The following BRCA1 variants were observed in gnomAD, a reference collection of about 807,000 sequenced individuals.
BRCA1 encodes BRCA1 DNA repair associated.
BRCA1 carries 140 observed loss-of-function variants against 173.7 expected under a neutral mutation model. That is an observed-to-expected ratio of 0.81 (90% CI 0.70 to 0.93). BRCA1 has a LOEUF of 0.93. BRCA1 is among the 40% of genes least tolerant of loss of function. BRCA1 has a pLI of 0.00. For missense variants in BRCA1, 1,983 were observed against 2,172.5 expected, an observed-to-expected ratio of 0.91 and a Z score of 1.73; for synonymous variants, 662 against 756.0, an observed-to-expected ratio of 0.88 and a Z score of 2.04.
intron 22 of BRCA1, among the ~76,000 whole-genome samples, chr17:43,046,559 G>A (rs939538355): frequency 1.1e-4 from 16 of 151,848 alleles, no homozygotes; most frequent in African/African-American, 3.9e-4. Context: ...CACCATGCCT[G>A]GCTAATTTTT....
In BRCA1 at chr17:43,091,874, C is replaced by A. The variant is rs80356876; in HGVS notation, c.3657G>T (p.Glu1219Asp). The change falls in exon 10 of 23, where the codon GAG becomes GAT. Residue 1219 changes from glutamate to aspartate, a missense_variant. By Grantham distance (45) the Glu-to-Asp change is conservative. Coordinates refer to ENST00000357654, the MANE Select transcript of BRCA1 (RefSeq NM_007294.4). Reference sequence around the variant, plus strand: ...GTTGGAAGCAGGGAAGCTCTTCATCCTCACTAGATAAGTTCTCTTCTGAGG... The same window carrying A: ...GTTGGAAGCAGGGAAGCTCTTCATCATCACTAGATAAGTTCTCTTCTGAGG... Reference protein sequence around the residue: ...LESSEENLSSEDEELPCFQHL... With the variant: ...LESSEENLSSDDEELPCFQHL... 1 of 1,614,142 alleles carries A rather than the reference C, an allele frequency of 6.2e-7. No individual in the cohort carries two copies. The highest frequency in any genetic ancestry group is 1.1e-5 in the South Asian group (1 of 91,072).
chr17:43,142,935 T>G (rs2056085991), intron 1 of BRCA1, among the ~76,000 whole-genome samples: 2 of 146,986 alleles, frequency 1.4e-5, no homozygotes, highest in African/African-American at 5.2e-5. Context: ...TGTGTGTGTG[T>G]GTGTGTATAT....
intron 6 of BRCA1, 39 bp downstream of exon 6, chr17:43,104,083 A>AAAGAAG (rs147856441): frequency 5.1e-5 from 57 of 1,124,664 alleles, no homozygotes; most frequent in Admixed American, 1.5e-4. Context: ...AAAAAAAAGA[A>AAAGAAG]AAGAAGAAGA....
Position 43,045,705 on chromosome 17 carries a change from T to A in BRCA1, c.5565A>T (p.Ile1855=), listed in dbSNP as rs758449088. The change falls in exon 23 of 23, where the codon ATA becomes ATT. Residue 1855 remains isoleucine (I), a synonymous_variant. Transcript: ENST00000357654. Reference sequence around the variant, plus strand: ...AGTAGTGGCTGTGGGGGATCTGGGGTATCAGGTAGGTGTCCAGCTCCTGGC... The same window carrying A: ...AGTAGTGGCTGTGGGGGATCTGGGGAATCAGGTAGGTGTCCAGCTCCTGGC... ...YQCQELDTYL[I]PQIPHSHY is the part of the protein sequence containing the mutation. The A allele has an allele frequency of 6.2e-7, 1 of 1,613,442 alleles. No homozygotes were observed. Among genetic ancestry groups the A allele is most frequent in the South Asian group, 1.1e-5 (1 of 91,002 alleles).
intron 1 of BRCA1, chr17:43,162,011 T>C (rs1384749682): frequency 6.6e-6 from 1 of 152,156 alleles, no homozygotes; most frequent in African/African-American, 2.4e-5. Context: ...AACCAAGATA[T>C]TTACTCGGGG....
rs1555582692 is a variant in BRCA1, at chr17:43,076,590, C to T, written c.4382G>A (p.Ser1461Asn). Residue 1461 changes from serine (S) to asparagine (N), a missense_variant, in exon 13 of 23, where the codon AGT (serine) becomes AAT (asparagine). Transcript: ENST00000357654. The part of the protein sequence containing the change: ...EKAVLTSQKS[S>N]EYPISQNPEG... ...TGGATTCTGGCTTATAGGGTATTCACTACTTTTCTGTGAAGTTAATACTGC... is the reference window on the plus strand; with the variant it reads ...TGGATTCTGGCTTATAGGGTATTCATTACTTTTCTGTGAAGTTAATACTGC... 6.2e-7 allele frequency: 1 copy of T among 1,613,652 alleles called. No individual in the cohort carries two copies. The highest frequency in any genetic ancestry group is 1.1e-5 in the South Asian group (1 of 91,070).
chr17:43,106,846 T>C (rs1392882935), intron 3 of BRCA1, among the ~76,000 whole-genome samples: 1 of 152,224 alleles, frequency 6.6e-6, no homozygotes, highest in African/African-American at 2.4e-5. Context: ...TATTTCATGC[T>C]GCATAATCAA....
intron 8 of BRCA1, 133 bp downstream of exon 8, chr17:43,097,111 T>A (rs1256547688): frequency 1.1e-6 from 1 of 909,558 alleles, no homozygotes; most frequent in East Asian, 2.6e-5. Context: ...TTTACCTATA[T>A]AACAAACTGC....
chr17:43,048,983 G>T, intron 21 of BRCA1, 138 bp downstream of exon 21: 1 of 786,820 alleles, frequency 1.3e-6, no homozygotes. Flanking sequence ...TACAGATGGA[G>T]TCTTTTGGCA....
chr17:43,046,903 G>A (rs2050940338), intron 22 of BRCA1, among the ~76,000 whole-genome samples: 1 of 152,048 alleles, frequency 6.6e-6, no homozygotes, highest in African/African-American at 2.4e-5. Context: ...AAGCCACCAG[G>A]AAAACAGCAC....
Position 43,078,088 on chromosome 17 carries a change from CT to C in BRCA1, c.4358-1475del, listed in dbSNP as rs35184764. On this transcript the variant is annotated intron_variant, in intron 12 of 22. Coordinates refer to ENST00000357654, the MANE Select transcript of BRCA1 (RefSeq NM_007294.4). ...CTGTGTTGACCAGGCTGGTTTCAAA[CT>C]TTTTTTTTTTTTTGAGACAGAGTCT... Among the ~76,000 whole-genome samples the C allele has an allele frequency of 0.49, 70,921 of 144,206 alleles. 19,876 individuals carry two copies. The highest frequency in any genetic ancestry group is 0.81 in the African/African-American group (31,811 of 39,448). 94.6% of individuals were successfully genotyped at this position (144,206 alleles called of 152,430 possible). A position where few individuals can be genotyped will look rare whatever the true frequency, so the allele number is the denominator to read the frequency against.
chr17:43,072,002 C>T lies in BRCA1; in HGVS notation c.4676-764G>A, dbSNP rs560191335. 4.0e-4 allele frequency among the ~76,000 whole-genome samples: 60 copies of T among 150,626 alleles called. 1 individual carries two copies. Among genetic ancestry groups the T allele is most frequent in the African/African-American group, 1.4e-3 (57 of 40,910 alleles). On this transcript the variant is annotated intron_variant, in intron 14 of 22. Transcript: ENST00000357654. ...CAGCCTGGGCAACAGAGCGAGACTC[C>T]GTCTCAAAAAAATAAATAAATAAAA... is the stretch of plus-strand genomic sequence containing the variant.
chr17:43,060,335 C>A lies in BRCA1; in HGVS notation c.5193+2998G>T, dbSNP rs572954469. Among the ~76,000 whole-genome samples, 3 of 152,066 alleles carry A rather than the reference C, an allele frequency of 2.0e-5. No individual in the cohort carries two copies. The East Asian group carries it at 5.8e-4, about 29-fold the overall frequency. ...GGGATTACAGGAATGAGCCACCACA[C>A]CCAGCCGTGCCCAGCTAATTTTTGC... On this transcript the variant is annotated intron_variant, in intron 18 of 22. Transcript: ENST00000357654.
chr17:43,093,993 T>C lies in BRCA1; in HGVS notation c.1538A>G (p.His513Arg), dbSNP rs1356078500. 1.2e-6 allele frequency: 2 copies of C among 1,613,964 alleles called. No homozygotes were observed. The highest frequency in any genetic ancestry group is 1.1e-5 in the South Asian group (1 of 91,034). ...TGCTTTCTTGATAAAATCCTCAGGATGAAGGCCTGATGTAGGTCTCCTTTT... is the reference window on the plus strand; with the variant it reads ...TGCTTTCTTGATAAAATCCTCAGGACGAAGGCCTGATGTAGGTCTCCTTTT... ...KRKRRPTSGLHPEDFIKKADL... is the reference protein window; with the variant it reads ...KRKRRPTSGLRPEDFIKKADL... Residue 513 changes from histidine to arginine, a missense_variant, in exon 10 of 23, where the codon CAT (histidine) becomes CGT (arginine). Coordinates refer to ENST00000357654, the MANE Select transcript of BRCA1 (RefSeq NM_007294.4).
upstream of BRCA1, among the ~76,000 whole-genome samples, chr17:43,127,219 A>G (rs577085520): frequency 6.6e-6 from 1 of 152,344 alleles, no homozygotes; most frequent in Admixed American, 6.5e-5. Context: ...CGCCCGGCAC[A>G]GCCCTGCGCA....
At position 43,094,517 on chromosome 17, in the gene BRCA1, T is replaced by A. The variant is rs876660793; in HGVS notation, c.1014A>T (p.Lys338Asn). 6.2e-7 allele frequency: 1 copy of A among 1,614,088 alleles called. No individual in the cohort carries two copies. Among genetic ancestry groups the A allele is most frequent in the Non-Finnish European group, 8.5e-7 (1 of 1,180,022 alleles). Residue 338 changes from lysine to asparagine, a missense_variant, in exon 10 of 23, where the codon AAA (lysine) becomes AAT (asparagine). Physicochemically the swap from Lys to Asn is moderately conservative, Grantham distance 94 (BLOSUM62 0). Transcript: ENST00000357654. The part of the protein sequence containing the change: ...CNDRRTPSTE[K>N]KVDLNADPLC... ...GGGGATCAGCATTCAGATCTACCTT[T>A]TTTTCTGTGCTGGGAGTCCGCCTAT...
At position 43,093,974 on chromosome 17, in the gene BRCA1, CT is replaced by C. The variant is rs80357662; in HGVS notation, c.1556del (p.Lys519ArgfsTer13). On this transcript the variant is annotated frameshift_variant, in exon 10 of 23. Coordinates refer to ENST00000357654, the MANE Select transcript of BRCA1 (RefSeq NM_007294.4). LOFTEE classifies it high-confidence loss of function. ...TCTTTTGAACTGCCAAATCTGCTTT[CT>C]TGATAAAATCCTCAGGATGAAGGCC... ...TSGLHPEDFI[K>X]KADLAVQKTP... 3 of 1,613,642 alleles carry C rather than the reference CT, an allele frequency of 1.9e-6. No individual in the cohort carries two copies. The highest frequency in any genetic ancestry group is 2.5e-6 in the Non-Finnish European group (3 of 1,179,886).
intron 1 of BRCA1, among the ~76,000 whole-genome samples, chr17:43,154,217 G>A (rs1197606560): frequency 6.6e-6 from 1 of 151,504 alleles, no homozygotes; most frequent in Non-Finnish European, 1.5e-5. Flanking sequence ...CAGGCACGGG[G>A]GCTCACGCTT....
chr17:43,136,796 G>A (rs1449405828), intron 1 of BRCA1, among the ~76,000 whole-genome samples: 1 of 152,186 alleles, frequency 6.6e-6, no homozygotes, highest in African/African-American at 2.4e-5. Context: ...TGCTGGAGAG[G>A]ATGTGGAGAA....
Sources: allele counts gnomAD v4.1 joint callset (sites outside exome capture counted in the v4.1 genomes callset), GRCh38; gene constraint gnomAD v4.1.1; transcripts MANE v1.5; gene names NCBI Gene and HGNC (gene_info 2026-07-23, HGNC 2026-07-21).